ADAM32: variants seen among roughly 807,000 people sequenced by gnomAD.
ADAM32 encodes ADAM metallopeptidase domain 32.
Under a neutral mutation model 114.9 loss-of-function variants are expected in ADAM32, and 89 were observed. The observed-to-expected ratio is 0.77, with a 90% CI of 0.65 to 0.92. ADAM32 has a LOEUF of 0.92. Ranked by LOEUF, ADAM32 falls within the 40% of genes least tolerant of loss-of-function variation. The probability of loss-of-function intolerance (pLI) is 0.00; values close to 1 mark genes in which losing one functional copy is unlikely to be tolerated. For missense variants in ADAM32, 870 were observed against 932.8 expected (o/e 0.93, Z 0.88); for synonymous variants, 285 against 307.5 (o/e 0.93, Z 0.77).
chr8:39,276,213 G>A, intron 22 of ADAM32: 1 of 197,578 alleles, frequency 5.1e-6, no homozygotes, highest in Non-Finnish European at 1.0e-5. Flanking sequence ...TTTTTTATTT[G>A]GAGATGGCAC....
intron 7 of ADAM32, among the ~76,000 whole-genome samples, chr8:39,161,998 TTTTA>T (rs1442728935): frequency 0.08 from 1,727 of 21,688 alleles, 34 homozygotes; most frequent in African/African-American, 0.14. Context: ...TTTTATTTTA[TTTTA>T]TATATATATA....
intron 1 of ADAM32, among the ~76,000 whole-genome samples, chr8:39,110,153 T>C (rs1475901673): frequency 2.0e-5 from 3 of 152,172 alleles, no homozygotes; most frequent in African/African-American, 7.2e-5. Flanking sequence ...CACTGCAAAC[T>C]CCGCCTCCCG....
chr8:39,284,465 G>A (rs2129451926), intron 24 of ADAM32, among the ~76,000 whole-genome samples: 1 of 151,858 alleles, frequency 6.6e-6, no homozygotes, highest in South Asian at 2.1e-4. Flanking sequence ...GAAAATTAAT[G>A]TGAACTTAAA....
intron 14 of ADAM32, among the ~76,000 whole-genome samples, chr8:39,227,736 C>T (rs1178943353): frequency 6.6e-6 from 1 of 152,156 alleles, no homozygotes; most frequent in Non-Finnish European, 1.5e-5. Context: ...TGATGGTCTT[C>T]CTTACCCATT....
At chr8:39,275,927 C>A (rs1023348371) in intron 22 of ADAM32, 61 bp downstream of exon 22, 64 of 1,422,798 alleles carry the variant, frequency 4.5e-5, no homozygotes, top group Non-Finnish European at 6.0e-5. Context: ...TTGAGATGAA[C>A]AAATTGATAA....
At chr8:39,222,495 A>T (rs1328428665) in intron 13 of ADAM32, among the ~76,000 whole-genome samples, 1 of 152,182 alleles carries the variant, frequency 6.6e-6, no homozygotes, top group African/African-American at 2.4e-5. Flanking sequence ...CCACAATTCT[A>T]TGTATGAAAG....
intron 14 of ADAM32, among the ~76,000 whole-genome samples, chr8:39,228,570 G>C (rs1316663915): frequency 6.6e-6 from 1 of 152,158 alleles, no homozygotes; most frequent in Non-Finnish European, 1.5e-5. Context: ...TGAACAAGTA[G>C]AAGAAAGAAA....
chr8:39,252,185 C>T (rs1171446088), intron 17 of ADAM32, among the ~76,000 whole-genome samples: 1 of 151,516 alleles, frequency 6.6e-6, no homozygotes, highest in African/African-American at 2.4e-5. Context: ...CTCAGAATTG[C>T]TGACCACATA....
chr8:39,251,934 T>C (rs1425566976), intron 17 of ADAM32, among the ~76,000 whole-genome samples: 4 of 151,858 alleles, frequency 2.6e-5, no homozygotes, highest in African/African-American at 9.7e-5. Flanking sequence ...CTTCTGCATA[T>C]GGTTATCGAA....
chr8:39,160,970 G>A lies in ADAM32; in HGVS notation c.594+5G>A. On this transcript the variant is annotated splice_donor_5th_base_variant and intron_variant, in intron 7 of 24. Coordinates refer to ENST00000379907, the MANE Select transcript of ADAM32 (RefSeq NM_145004.7). ...ATTGTGGTGGACAAAACTTTGGTATGTGTTTTGCTTTTTCTTTGCTTTGAA... is the reference window on the plus strand; with the variant it reads ...ATTGTGGTGGACAAAACTTTGGTATATGTTTTGCTTTTTCTTTGCTTTGAA... 6.3e-7 allele frequency: 1 copy of A among 1,576,676 alleles called. No homozygotes were observed. Among genetic ancestry groups the A allele is most frequent in the East Asian group, 2.3e-5 (1 of 43,870 alleles).
rs746326089 is a variant in ADAM32, at chr8:39,231,978, T to C, written c.1526-49T>C. On this transcript the variant is annotated intron_variant, in intron 14 of 24. Coordinates refer to ENST00000379907, the MANE Select transcript of ADAM32 (RefSeq NM_145004.7). The stretch of plus-strand genomic sequence containing the variant: ...TATTATATGAAGAAATGGAGGAAGA[T>C]GAAAAACCAATAAACATTTTAATCC... The C allele has an allele frequency of 1.2e-5, 17 of 1,429,076 alleles. 1 individual carries two copies. In the South Asian group the frequency reaches 1.9e-4, roughly 16 times the overall value. 88.5% of individuals were successfully genotyped at this position (1,429,076 alleles called of 1,614,324 possible).
intron 11 of ADAM32, among the ~76,000 whole-genome samples, chr8:39,203,448 C>T (rs1022900420): frequency 3.3e-5 from 5 of 152,118 alleles, no homozygotes; most frequent in Admixed American, 2.6e-4. Flanking sequence ...AGACTAGGAT[C>T]GCAACCCCTG....
At chr8:39,265,021 TC>T (rs1812271053) in intron 19 of ADAM32, among the ~76,000 whole-genome samples, 1 of 152,174 alleles carries the variant, frequency 6.6e-6, no homozygotes, top group African/African-American at 2.4e-5. Context: ...CCGCGTTAAG[TC>T]CCAAATACCT....
intron 1 of ADAM32, among the ~76,000 whole-genome samples, chr8:39,109,477 G>T (rs1467900099): frequency 6.6e-6 from 1 of 152,144 alleles, no homozygotes; most frequent in Admixed American, 6.5e-5. Context: ...AACCCAGGAG[G>T]CAGGAGTTGC....
intron 14 of ADAM32, among the ~76,000 whole-genome samples, chr8:39,231,275 G>A (rs1439053156): frequency 6.6e-6 from 1 of 152,092 alleles, no homozygotes; most frequent in Non-Finnish European, 1.5e-5. Flanking sequence ...CATGTGACTA[G>A]GACCTGTAAG....
chr8:39,203,173 G>T (rs528864341), intron 11 of ADAM32, among the ~76,000 whole-genome samples: 83 of 152,126 alleles, frequency 5.5e-4, no homozygotes, highest in Non-Finnish European at 1.0e-3. Context: ...CTGAGTTCAA[G>T]TCCTGGATAT....
intron 19 of ADAM32, among the ~76,000 whole-genome samples, chr8:39,269,894 G>T (rs1393906530): frequency 6.6e-6 from 1 of 152,180 alleles, no homozygotes; most frequent in Non-Finnish European, 1.5e-5. Flanking sequence ...GGCTGGGAAG[G>T]CCTCAGGAAA....
At chr8:39,262,430 T>C (rs916312603) in intron 19 of ADAM32, among the ~76,000 whole-genome samples, 6 of 152,226 alleles carry the variant, frequency 3.9e-5, no homozygotes, top group Non-Finnish European at 8.8e-5. Flanking sequence ...GCCAGTATCA[T>C]GCTGTTTTGG....
chr8:39,278,187 A>G (rs1293961309), intron 22 of ADAM32, among the ~76,000 whole-genome samples: 1 of 152,122 alleles, frequency 6.6e-6, no homozygotes, highest in East Asian at 1.9e-4. Context: ...TCTGAAGTCT[A>G]GCCCCTTCTC....
Sources: gnomAD v4.1 joint callset for allele counts (sites outside exome capture counted in the v4.1 genomes callset) on GRCh38, gnomAD v4.1.1 for gene constraint, MANE v1.5 for transcripts, NCBI Gene and HGNC (gene_info 2026-07-23, HGNC 2026-07-21) for gene names.